The following ZNF683 variants were observed in gnomAD, a reference collection of about 807,000 sequenced individuals.
ZNF683 encodes zinc finger protein 683.
ZNF683 carries 20 observed loss-of-function variants against 31.4 expected under a neutral mutation model. That is an observed-to-expected ratio of 0.64 (90% CI 0.45 to 0.93). The LOEUF (loss-of-function observed/expected upper bound fraction) is 0.93. ZNF683 is among the 40% of genes least tolerant of loss of function. The pLI, the probability that ZNF683 is intolerant of heterozygous loss-of-function variation, is 0.00. For missense variants in ZNF683, 621 were observed against 637.2 expected (o/e 0.97, Z 0.27); for synonymous variants, 264 against 267.6 (o/e 0.99, Z 0.13).
In ZNF683 at chr1:26,363,145, G is replaced by T; in HGVS notation, c.1024C>A (p.Arg342Ser). ...GQLSNLKVHLRVHSGERPFQC... is the reference protein window; with the variant it reads ...GQLSNLKVHLSVHSGERPFQC... ...AATGGACGCTCTCCACTGTGCACAC[G>T]CAGGTGGACCTGAGTCAGATGCGGG... Residue 342 changes from arginine to serine, a missense_variant, in exon 5 of 6, where the codon CGT becomes AGT. Coordinates refer to ENST00000349618, the MANE Select transcript of ZNF683 (RefSeq NM_001114759.3). 2 of 1,608,202 alleles carry T rather than the reference G, an allele frequency of 1.2e-6. No homozygotes were observed. The highest frequency in any genetic ancestry group is 1.7e-6 in the Non-Finnish European group (2 of 1,175,852).
rs2074495634 is a variant in ZNF683 at position 26,365,263 on chromosome 1, T to C, written c.320-37A>G. On this transcript the variant is annotated intron_variant, in intron 3 of 5. Transcript: ENST00000349618. Reference sequence around the variant, plus strand: ...AAGGAAGGCGGTCAGATCCCCACAGTCTGGGGTGAAGTTCTGTCCGCCATC... The same window carrying C: ...AAGGAAGGCGGTCAGATCCCCACAGCCTGGGGTGAAGTTCTGTCCGCCATC... The C allele has an allele frequency of 3.2e-6, 5 of 1,539,128 alleles. No homozygotes were observed. The South Asian group carries it at 6.0e-5, about 19-fold the overall frequency.
At chr1:26,369,748 T>G (rs1056516789) in intron 1 of ZNF683, among the ~76,000 whole-genome samples, 1 of 152,126 alleles carries the variant, frequency 6.6e-6, no homozygotes, top group Non-Finnish European at 1.5e-5. Flanking sequence ...GAGAATCGCT[T>G]GAACCCAAGA....
At chr1:26,363,190 C>T (rs200414104) in intron 4 of ZNF683, 36 bp from the exon 5 acceptor site, 3 of 1,586,518 alleles carry the variant, frequency 1.9e-6, no homozygotes, top group African/African-American at 2.7e-5. Context: ...GCCAACTGCC[C>T]AGCACCCCTA....
intron 3 of ZNF683, among the ~76,000 whole-genome samples, chr1:26,365,921 C>T (rs1207886924): frequency 1.3e-5 from 2 of 152,126 alleles, no homozygotes; most frequent in South Asian, 2.1e-4. Context: ...TGGCTCACGC[C>T]TGTAATCCCA....
chr1:26,367,976 A>G (rs1045314230), intron 2 of ZNF683, among the ~76,000 whole-genome samples, 179 bp from the exon 3 acceptor site: 5 of 151,874 alleles, frequency 3.3e-5, no homozygotes, highest in African/African-American at 9.7e-5. Context: ...TTCCCCCAGG[A>G]TTTTCCCACC....
In ZNF683 at chr1:26,364,880, C is replaced by A; in HGVS notation, c.666G>T (p.Leu222=). The A allele has an allele frequency of 6.5e-7, 1 of 1,547,246 alleles. No individual in the cohort carries two copies. Among genetic ancestry groups the A allele is most frequent in the African/African-American group, 1.4e-5 (1 of 73,014 alleles). Residue 222 remains leucine, a synonymous_variant, in exon 4 of 6, where the codon CTG becomes CTT. Transcript: ENST00000349618. ...TGGTGGGGTAGGAGGGGTCTTGGGG[C>A]AGCATGAGGAGGTGGGGACATTGGT... is the stretch of plus-strand genomic sequence containing the variant. ...PSDQCPHLLM[L]PQDPSYPTMA...
intron 5 of ZNF683, among the ~76,000 whole-genome samples, chr1:26,362,467 C>T (rs1169255767): frequency 2.0e-5 from 3 of 152,046 alleles, no homozygotes. Flanking sequence ...AGTATTAGTA[C>T]AAGTCCTATA....
At chr1:26,367,263 C>G (rs554987028) in intron 3 of ZNF683, among the ~76,000 whole-genome samples, 34 of 147,774 alleles carry the variant, frequency 2.3e-4, no homozygotes, top group Admixed American at 6.0e-4. Context: ...GAGACTCCAT[C>G]TCAAAAACAA....
chr1:26,362,528 C>T (rs2074411276), intron 5 of ZNF683, among the ~76,000 whole-genome samples: 1 of 152,178 alleles, frequency 6.6e-6, no homozygotes, highest in African/African-American at 2.4e-5. Flanking sequence ...AGCCAAAGGT[C>T]ACACAGCAAG....
Position 26,364,911 on chromosome 1 carries a change from G to A in ZNF683, c.635C>T (p.Pro212Leu), listed in dbSNP as rs1231845790. Residue 212 changes from proline to leucine, a missense_variant, in exon 4 of 6, where the codon CCT becomes CTT. Pro to Leu is a moderately conservative substitution (Grantham distance 98). Coordinates refer to ENST00000349618, the MANE Select transcript of ZNF683 (RefSeq NM_001114759.3). ...GAGGAGGTGGGGACATTGGTCAGAA[G>A]GTAGGGCCCCATAGGTGAACAGGTG... ...PPHLFTYGAL[P>L]SDQCPHLLML... The A allele has an allele frequency of 1.2e-5, 18 of 1,546,438 alleles. No individual in the cohort carries two copies. Among genetic ancestry groups the A allele is most frequent in the Non-Finnish European group, 1.5e-5 (17 of 1,149,648 alleles).
In ZNF683 at chr1:26,363,012, G is replaced by C; in HGVS notation, c.1143+14C>G. 2 of 1,604,340 alleles carry C rather than the reference G, an allele frequency of 1.2e-6. No individual in the cohort carries two copies. The highest frequency in any genetic ancestry group is 1.7e-6 in the Non-Finnish European group (2 of 1,174,700). ...AGCCTATAGGAGTACATAGTAGGGG[G>C]AGAAGGATCTCACCGAGCACTTGTG... On this transcript the variant is annotated intron_variant, in intron 5 of 5. Transcript: ENST00000349618.
At chr1:26,368,055 C>A (rs1424714282) in intron 2 of ZNF683, among the ~76,000 whole-genome samples, 1 of 152,182 alleles carries the variant, frequency 6.6e-6, no homozygotes, top group Non-Finnish European at 1.5e-5. Context: ...CTGCCCCGAA[C>A]CCATGTACCT....
intron 1 of ZNF683, among the ~76,000 whole-genome samples, chr1:26,369,778 G>A (rs1034787055): frequency 1.5e-4 from 23 of 149,184 alleles, no homozygotes; most frequent in East Asian, 3.9e-4. Context: ...TGCAGTAGCC[G>A]AGATCATGTC....
intron 4 of ZNF683, among the ~76,000 whole-genome samples, chr1:26,364,002 C>T (rs2074453243): frequency 6.6e-6 from 1 of 152,234 alleles, no homozygotes; most frequent in South Asian, 2.1e-4. Flanking sequence ...CCTGGGCGCC[C>T]CCTGCTGGGC....
At chr1:26,367,468 T>C (rs1197054606) in intron 3 of ZNF683, 125 bp downstream of exon 3, 4 of 1,075,452 alleles carry the variant, frequency 3.7e-6, no homozygotes, top group Middle Eastern at 3.2e-4. Flanking sequence ...GGAAGTAAAG[T>C]GTGCCTAAGC....
chr1:26,364,481 G>C (rs2074463667), intron 4 of ZNF683, 51 bp downstream of exon 4: 1 of 1,596,460 alleles, frequency 6.3e-7, no homozygotes, highest in African/African-American at 1.3e-5. Context: ...CGGGTGCATG[G>C]GGGGCCCTGA....
At chr1:26,362,832 C>T (rs2074417874) in intron 5 of ZNF683, among the ~76,000 whole-genome samples, 194 bp downstream of exon 5, 1 of 152,176 alleles carries the variant, frequency 6.6e-6, no homozygotes, top group Non-Finnish European at 1.5e-5. Context: ...TCTCTCCCTC[C>T]TGCAGGCCTT....
At position 26,362,039 on chromosome 1, in the gene ZNF683, C is replaced by T. The variant is rs372603933; in HGVS notation, c.1144-17G>A. The T allele has an allele frequency of 9.9e-6, 16 of 1,613,854 alleles. No individual in the cohort carries two copies. The highest frequency in any genetic ancestry group is 1.4e-5 in the Non-Finnish European group (16 of 1,179,812). ...GTGGCACACCTGACGGGAACGAGCA[C>T]TGGCATCAGCTTTGTCCTCTGGGCT... On this transcript the variant is annotated splice_polypyrimidine_tract_variant and intron_variant, in intron 5 of 5. Transcript: ENST00000349618.
chr1:26,365,931 A>G (rs1055674632), intron 3 of ZNF683, among the ~76,000 whole-genome samples: 2 of 152,204 alleles, frequency 1.3e-5, no homozygotes, highest in Non-Finnish European at 2.9e-5. Flanking sequence ...CTGTAATCCC[A>G]GCACTTTGGG....
Sources: allele counts gnomAD v4.1 joint callset (sites outside exome capture counted in the v4.1 genomes callset), GRCh38; gene constraint gnomAD v4.1.1; transcripts MANE v1.5; gene names NCBI Gene and HGNC (gene_info 2026-07-23, HGNC 2026-07-21).